The following POU2AF1 variants were observed in gnomAD, a reference collection of about 807,000 sequenced individuals.
The protein encoded by POU2AF1 is POU domain class 2-associating factor 1.
A neutral mutation model predicts 26.3 loss-of-function variants in POU2AF1; 12 were observed. The ratio of observed to expected loss-of-function variants is 0.46; its 90% CI spans 0.29 to 0.74. The LOEUF (loss-of-function observed/expected upper bound fraction) is 0.74, where lower values mean the gene tolerates loss of function less well. Among genes scored for constraint, POU2AF1 ranks in the 30% least tolerant of loss-of-function variants. POU2AF1 has a pLI of 0.09. For missense variants in POU2AF1, 297 were observed against 334.5 expected (o/e 0.89, Z 0.87); for synonymous variants, 175 against 148.0 (o/e 1.18, Z -1.32).
At chr11:111,358,569 C>G (rs118165625) in intron 2 of POU2AF1, among the ~76,000 whole-genome samples, 1 of 147,382 alleles carries the variant, frequency 6.8e-6, no homozygotes, top group Non-Finnish European at 1.5e-5. Context: ...TGCATACACT[C>G]ACACACTCAC....
At chr11:111,371,115 G>A (rs951213805) in intron 1 of POU2AF1, among the ~76,000 whole-genome samples, 13 of 152,090 alleles carry the variant, frequency 8.5e-5, no homozygotes, top group African/African-American at 2.9e-4. Context: ...CCTAGTCCTG[G>A]AAAGTTTTAA....
chr11:111,377,491 G>A (rs766069004), intron 1 of POU2AF1, among the ~76,000 whole-genome samples: 2 of 152,060 alleles, frequency 1.3e-5, no homozygotes, highest in Non-Finnish European at 2.9e-5. Flanking sequence ...GTGAATGCAG[G>A]GAAGCAACTC....
intron 4 of POU2AF1, among the ~76,000 whole-genome samples, chr11:111,354,932 T>G (rs1860814333): frequency 6.6e-6 from 1 of 152,246 alleles, no homozygotes; most frequent in Non-Finnish European, 1.5e-5. Context: ...TCATTTCTAT[T>G]TCAGAGATCT....
At chr11:111,355,797 T>C (rs974282060) in intron 4 of POU2AF1, among the ~76,000 whole-genome samples, 1 of 152,198 alleles carries the variant, frequency 6.6e-6, no homozygotes, top group Non-Finnish European at 1.5e-5. Flanking sequence ...AAATCCGGGC[T>C]GAGGTGTACA....
intron 1 of POU2AF1, among the ~76,000 whole-genome samples, chr11:111,375,688 C>T (rs993233235): frequency 6.6e-6 from 1 of 152,132 alleles, no homozygotes; most frequent in Admixed American, 6.5e-5. Context: ...CGCCCGCCAC[C>T]GCACCCGGCC....
intron 2 of POU2AF1, 79 bp from the exon 3 acceptor site, chr11:111,357,916 C>A: frequency 7.1e-7 from 1 of 1,405,502 alleles, no homozygotes; most frequent in Non-Finnish European, 9.5e-7. Context: ...GCCCAGAGGG[C>A]CTCAGGGCAG....
intron 1 of POU2AF1, among the ~76,000 whole-genome samples, chr11:111,372,622 C>A (rs1241263532): frequency 6.6e-6 from 1 of 152,168 alleles, no homozygotes; most frequent in Non-Finnish European, 1.5e-5. Context: ...ATAAAATGAA[C>A]CTTACAACAG....
intron 1 of POU2AF1, among the ~76,000 whole-genome samples, chr11:111,372,156 G>A (rs147885411): frequency 0.011 from 1,738 of 152,140 alleles, 41 homozygotes; most frequent in African/African-American, 0.04. Flanking sequence ...CACGGAGGCA[G>A]AAGCCTTGGC....
At chr11:111,358,727 C>T in intron 2 of POU2AF1, 61 bp downstream of exon 2, 3 of 1,524,492 alleles carry the variant, frequency 2.0e-6, no homozygotes, top group South Asian at 1.2e-5. Context: ...CACACTATCC[C>T]TGACACACAC....
At position 111,352,907 on chromosome 11, in the gene POU2AF1, T is replaced by C. The variant is rs1394827092; in HGVS notation, c.*1354A>G. ...AAGATCGCACCATTGTACTCCAGCC[T>C]GGGCAATGGAGTGAGACTCCGTCCC... On this transcript the variant is annotated 3_prime_UTR_variant, in exon 5 of 5. Coordinates refer to ENST00000393067, the MANE Select transcript of POU2AF1 (RefSeq NM_006235.3). 1 of 175,844 alleles carries C rather than the reference T, an allele frequency of 5.7e-6. No individual in the cohort carries two copies. Among genetic ancestry groups the C allele is most frequent in the Non-Finnish European group, 1.2e-5 (1 of 82,908 alleles). 10.9% of individuals were successfully genotyped at this position (175,844 alleles called of 1,614,324 possible). A position where few individuals can be genotyped will look rare whatever the true frequency, so the allele number is the denominator to read the frequency against.
chr11:111,357,375 G>C, intron 4 of POU2AF1, 70 bp downstream of exon 4: 1 of 1,588,058 alleles, frequency 6.3e-7, no homozygotes, highest in Non-Finnish European at 8.6e-7. Context: ...TCAGGATCGA[G>C]AAGTCAGCTC....
At position 111,358,930 on chromosome 11, in the gene POU2AF1, A is replaced by C; in HGVS notation, c.17-12T>G. On this transcript the variant is annotated splice_polypyrimidine_tract_variant and intron_variant, in intron 1 of 4. Coordinates refer to ENST00000393067, the MANE Select transcript of POU2AF1 (RefSeq NM_006235.3). ...CTCCGGAGCTGTGGCTGTGAAAAGC[A>C]ATGTCCCTGGAGCCCATGGTCCTTC... 1 of 1,596,362 alleles carries C rather than the reference A, an allele frequency of 6.3e-7. No homozygotes were observed.
At chr11:111,361,543 A>G (rs138941435) in intron 1 of POU2AF1, among the ~76,000 whole-genome samples, 1 of 152,254 alleles carries the variant, frequency 6.6e-6, no homozygotes, top group African/African-American at 2.4e-5. Context: ...TCCAAAGGCC[A>G]TGTCTGGCAT....
At chr11:111,367,799 G>A (rs1861133399) in intron 1 of POU2AF1, among the ~76,000 whole-genome samples, 1 of 152,224 alleles carries the variant, frequency 6.6e-6, no homozygotes, top group East Asian at 1.9e-4. Context: ...CACATGAGGA[G>A]TGACGAGAAC....
At chr11:111,379,012 CCCCTCCCTGCTCCGGGGCTTGGAACCCAG>C in intron 1 of POU2AF1, 121 bp downstream of exon 1, 1 of 749,276 alleles carries the variant, frequency 1.3e-6, no homozygotes. Context: ...GCCCACCTCC[CCCCTCCCTGCTCCGGGGCTTGGAACCCAG>C]ACCCCCTCCC....
intron 1 of POU2AF1, among the ~76,000 whole-genome samples, chr11:111,372,051 C>CAGAGAGAGAGAGAGAGAGAGAGAGAG (rs1374875953): frequency 2.0e-5 from 2 of 101,590 alleles, no homozygotes; most frequent in African/African-American, 7.9e-5. Context: ...CACACACACA[C>CAGAGAGAGAGAGAGAGAGAGAGAGAG]ACACACACAC....
chr11:111,376,680 A>G (rs948205905), intron 1 of POU2AF1, among the ~76,000 whole-genome samples: 1 of 152,100 alleles, frequency 6.6e-6, no homozygotes, highest in African/African-American at 2.4e-5. Flanking sequence ...CAGTCATTTC[A>G]GCTCATGCCT....
At chr11:111,374,459 G>T (rs1176527861) in intron 1 of POU2AF1, among the ~76,000 whole-genome samples, 2 of 152,216 alleles carry the variant, frequency 1.3e-5, no homozygotes, top group Admixed American at 6.5e-5. Context: ...CACTTTGGGA[G>T]GCCAAGGCAG....
At chr11:111,378,466 G>T (rs752203418) in intron 1 of POU2AF1, among the ~76,000 whole-genome samples, 1 of 152,138 alleles carries the variant, frequency 6.6e-6, no homozygotes, top group Non-Finnish European at 1.5e-5. Context: ...GTCGCTGTTT[G>T]GTCCACATAA....
Sources: allele counts gnomAD v4.1 joint callset (sites outside exome capture counted in the v4.1 genomes callset), GRCh38; gene constraint gnomAD v4.1.1; transcripts MANE v1.5; gene names NCBI Gene and HGNC (gene_info 2026-07-23, HGNC 2026-07-21).